Variants in ZFP91 observed in about 807,000 individuals in gnomAD.
ZFP91 encodes E3 ubiquitin-protein ligase ZFP91.
A neutral mutation model predicts 63.5 loss-of-function variants in ZFP91; 7 were observed. The observed-to-expected ratio is 0.11, with a 90% CI of 0.06 to 0.21. The LOEUF is 0.21. ZFP91 is among the 10% of genes least tolerant of loss of function. ZFP91 has a pLI of 1.00. For missense variants in ZFP91, 628 were observed against 736.6 expected (o/e 0.85, Z 1.71); for synonymous variants, 330 against 272.1 (o/e 1.21, Z -2.10).
chr11:58,616,876 TG>T (rs1211669940), intron 10 of ZFP91, 61 bp downstream of exon 10: 1 of 1,509,358 alleles, frequency 6.6e-7, no homozygotes, highest in Non-Finnish European at 9.2e-7. Flanking sequence ...CTTGAAGGTT[TG>T]CCGCTTTACA....
Position 58,621,539 on chromosome 11 carries a change from C to T in ZFP91, c.*3833C>T, listed in dbSNP as rs1335998646. Among the ~76,000 whole-genome samples, 1 of 152,090 alleles carries T rather than the reference C, an allele frequency of 6.6e-6. No homozygotes were observed. Among genetic ancestry groups the T allele is most frequent in the Non-Finnish European group, 1.5e-5 (1 of 67,998 alleles). ...TTTATTGTTTACTTTTATAAATTTG[C>T]TTCTAAGATGGTATGTGTTTCAGCT... is the stretch of plus-strand genomic sequence containing the variant. On this transcript the variant is annotated 3_prime_UTR_variant, in exon 11 of 11. Transcript: ENST00000316059.
At chr11:58,589,055 C>G (rs72921842) in intron 2 of ZFP91, among the ~76,000 whole-genome samples, 2 of 152,244 alleles carry the variant, frequency 1.3e-5, no homozygotes, top group Non-Finnish European at 2.9e-5. Context: ...TCTTAACACT[C>G]AGATAGGCTT....
In ZFP91 at chr11:58,612,271, A is replaced by G. The variant is rs1340077873; in HGVS notation, c.858-7A>G. 8.1e-6 allele frequency: 13 copies of G among 1,613,458 alleles called. No individual in the cohort carries two copies. The highest frequency in any genetic ancestry group is 1.3e-5 in the African/African-American group (1 of 74,862). On this transcript the variant is annotated splice_polypyrimidine_tract_variant and splice_region_variant and intron_variant, in intron 6 of 10. Coordinates refer to ENST00000316059, the MANE Select transcript of ZFP91 (RefSeq NM_053023.5). The stretch of plus-strand genomic sequence containing the variant: ...TATGTCTACTGTTACCCTGTCTTCA[A>G]TTACAGGAGAGGAAGAAGACGAAAA...
At position 58,612,339 on chromosome 11, in the gene ZFP91, T is replaced by C. The variant is rs1855679180; in HGVS notation, c.908+11T>C. On this transcript the variant is annotated intron_variant, in intron 7 of 10. Transcript: ENST00000316059. ...TTTACCCAAAAGGAGGTGAGGAATT[T>C]TTACCCCTACTGTTTTACACCTTAT... The C allele has an allele frequency of 8.7e-6, 14 of 1,613,396 alleles. No homozygotes were observed. Among genetic ancestry groups the C allele is most frequent in the Non-Finnish European group, 1.2e-5 (14 of 1,179,524 alleles).
rs765236419 is a variant in ZFP91 at position 58,620,412 on chromosome 11, A to G, written c.*2706A>G. ...CCTTTTTAATAACTCTTCCCACTGCATATTTCCATCTTGAATTGGTGGTTC... is the reference window on the plus strand; with the variant it reads ...CCTTTTTAATAACTCTTCCCACTGCGTATTTCCATCTTGAATTGGTGGTTC... On this transcript the variant is annotated 3_prime_UTR_variant, in exon 11 of 11. Coordinates refer to ENST00000316059, the MANE Select transcript of ZFP91 (RefSeq NM_053023.5). The G allele has an allele frequency of 6.6e-6, 1 of 152,346 alleles. No homozygotes were observed. Among genetic ancestry groups the G allele is most frequent in the African/African-American group, 2.4e-5 (1 of 41,432 alleles). The allele number at this position is 152,346 out of a possible 1,614,324, so 9.4% of individuals were successfully genotyped here. A position where few individuals can be genotyped will look rare whatever the true frequency, so the allele number is the denominator to read the frequency against.
intron 7 of ZFP91, chr11:58,612,545 ATTAGT>A: frequency 1.6e-6 from 1 of 623,116 alleles, no homozygotes; most frequent in Non-Finnish European, 2.8e-6. Context: ...TTGGGGGGTC[ATTAGT>A]TTATTTGTGT....
intron 2 of ZFP91, among the ~76,000 whole-genome samples, chr11:58,603,387 A>G (rs1331441088): frequency 3.3e-5 from 5 of 152,236 alleles, no homozygotes; most frequent in Non-Finnish European, 5.9e-5. Context: ...CTGGACAGCT[A>G]TTCTCTAAAG....
intron 2 of ZFP91, among the ~76,000 whole-genome samples, chr11:58,597,264 C>T (rs1298235416): frequency 6.6e-6 from 1 of 152,172 alleles, no homozygotes; most frequent in African/African-American, 2.4e-5. Context: ...ATAAACCTAA[C>T]TGCTTTTACA....
chr11:58,580,075 A>G (rs1399860570), intron 1 of ZFP91, among the ~76,000 whole-genome samples: 1 of 147,812 alleles, frequency 6.8e-6, no homozygotes, highest in Middle Eastern at 3.2e-3. Context: ...AGCCAGATGT[A>G]CTAGTGTGTT....
Position 58,617,365 on chromosome 11 carries a change from A to T in ZFP91, c.1372A>T (p.Ile458Phe), listed in dbSNP as rs761094052. 1.2e-6 allele frequency: 2 copies of T among 1,613,938 alleles called. No individual in the cohort carries two copies. Among genetic ancestry groups the T allele is most frequent in the South Asian group, 2.2e-5 (2 of 91,040 alleles). ...HKAKSHPEVL[I>F]AEALAANAGA... Reference sequence around the variant, plus strand: ...GGCAAAAAGCCACCCTGAGGTGCTGATTGCAGAAGCTCTGGCTGCCAATGC... The same window carrying T: ...GGCAAAAAGCCACCCTGAGGTGCTGTTTGCAGAAGCTCTGGCTGCCAATGC... Residue 458 changes from isoleucine to phenylalanine, a missense_variant, in exon 11 of 11, where the codon ATT becomes TTT. Physicochemically the swap from Ile to Phe is conservative, Grantham distance 21. Around this residue, in one of 3 missense-constraint regions of ZFP91, gnomAD observed 76 missense variants for 230.9 expected, o/e 0.33. Coordinates refer to ENST00000316059, the MANE Select transcript of ZFP91 (RefSeq NM_053023.5). The surrounding 1 kb of genome is among the most constrained non-coding windows in gnomAD (Gnocchi z 4.2).
At chr11:58,615,665 A>G (rs1396026321) in intron 9 of ZFP91, among the ~76,000 whole-genome samples, 2 of 152,200 alleles carry the variant, frequency 1.3e-5, no homozygotes, top group African/African-American at 2.4e-5. Flanking sequence ...ACCTTGCTAT[A>G]TAAAGTATGG....
chr11:58,604,811 G>A (rs1326064254), intron 2 of ZFP91, among the ~76,000 whole-genome samples: 1 of 152,178 alleles, frequency 6.6e-6, no homozygotes. Context: ...TCTCCTTCCA[G>A]TGTGGCCCAG....
chr11:58,613,740 C>T (rs1169043650), intron 8 of ZFP91, among the ~76,000 whole-genome samples: 1 of 151,874 alleles, frequency 6.6e-6, no homozygotes, highest in Non-Finnish European at 1.5e-5. Flanking sequence ...GTAAACGTAC[C>T]ACTTATATTT....
intron 9 of ZFP91, among the ~76,000 whole-genome samples, chr11:58,615,151 G>C (rs1441817104): frequency 6.6e-6 from 1 of 152,154 alleles, no homozygotes; most frequent in Non-Finnish European, 1.5e-5. Context: ...ACCAATATCA[G>C]TTATTGTAGG....
intron 6 of ZFP91, 89 bp downstream of exon 6, chr11:58,611,827 G>GTA: frequency 2.1e-6 from 3 of 1,414,500 alleles, no homozygotes; most frequent in Non-Finnish European, 1.9e-6. Flanking sequence ...GGATGTTGAC[G>GTA]TATACATGCT....
In ZFP91 at chr11:58,600,879, G is replaced by T. The variant is rs1007536227; in HGVS notation, c.371-8951G>T. On this transcript the variant is annotated intron_variant, in intron 2 of 10. Transcript: ENST00000316059. Reference sequence around the variant, plus strand: ...TATCATGAAAGTTTAATTTTGTCAGGTTCTTTTTCTTTTTTCTACATCAAT... The same window carrying T: ...TATCATGAAAGTTTAATTTTGTCAGTTTCTTTTTCTTTTTTCTACATCAAT... 7.9e-5 allele frequency among the ~76,000 whole-genome samples: 12 copies of T among 152,070 alleles called. No individual in the cohort carries two copies. In the East Asian group the frequency reaches 1.5e-3, roughly 20 times the overall value.
intron 1 of ZFP91, among the ~76,000 whole-genome samples, chr11:58,583,026 C>T (rs540227473): frequency 6.6e-6 from 1 of 152,128 alleles, no homozygotes; most frequent in South Asian, 2.1e-4. Flanking sequence ...CAGTAAATTA[C>T]AGTTATTTCA....
intron 2 of ZFP91, among the ~76,000 whole-genome samples, chr11:58,592,286 C>T (rs1855320867): frequency 6.6e-6 from 1 of 151,664 alleles, no homozygotes; most frequent in African/African-American, 2.4e-5. Flanking sequence ...GGAGTTTCAC[C>T]ATGTTGGCCA....
chr11:58,610,463 C>T, intron 4 of ZFP91, 129 bp downstream of exon 4: 2 of 828,566 alleles, frequency 2.4e-6, no homozygotes, highest in South Asian at 4.2e-5. Context: ...AGTTTTGATA[C>T]TGCATTTAGA....
Sources: gnomAD v4.1 joint callset for allele counts (sites outside exome capture counted in the v4.1 genomes callset) on GRCh38, gnomAD v4.1.1 for gene constraint, gnomAD v4.1.1 regional missense constraint, Gnocchi (gnomAD v3.1) non-coding constraint, MANE v1.5 for transcripts, NCBI Gene and HGNC (gene_info 2026-07-23, HGNC 2026-07-21) for gene names.